The following RBFOX1 variants were observed in gnomAD, a reference collection of about 807,000 sequenced individuals.
RBFOX1 encodes RNA binding protein fox-1 homolog 1.
In RBFOX1, 8 loss-of-function variants were observed where a neutral mutation model predicts 57.7. The observed-to-expected ratio is 0.14, with a 90% CI of 0.08 to 0.25. RBFOX1 has a LOEUF of 0.25. Among genes scored for constraint, RBFOX1 ranks in the 10% least tolerant of loss-of-function variants. The probability of loss-of-function intolerance (pLI) is 1.00; values close to 1 mark genes in which losing one functional copy is unlikely to be tolerated. For missense variants in RBFOX1, 611 were observed against 548.5 expected (o/e 1.11, Z -1.14); for synonymous variants, 326 against 222.4 (o/e 1.47, Z -4.15).
chr16:5,276,104 G>A (rs1249088666), intron 1 of RBFOX1, among the ~76,000 whole-genome samples: 2 of 152,044 alleles, frequency 1.3e-5, no homozygotes, highest in African/African-American at 2.4e-5. Flanking sequence ...ATTGGAAAAC[G>A]TTTCTACACA....
At chr16:5,645,277 A>AC (rs2049015022) in intron 3 of RBFOX1, among the ~76,000 whole-genome samples, 2 of 23,924 alleles carry the variant, frequency 8.4e-5, no homozygotes, top group African/African-American at 8.6e-5. Flanking sequence ...AACAAAAACA[A>AC]AAAAAAAAAC....
chr16:5,510,968 A>T (rs553315024), intron 2 of RBFOX1, among the ~76,000 whole-genome samples: 2 of 152,290 alleles, frequency 1.3e-5, no homozygotes, highest in African/African-American at 4.8e-5. Context: ...GCCTTGTATA[A>T]TCCACATGAC....
At chr16:6,320,232 T>C (rs2081605120) in intron 2 of RBFOX1, among the ~76,000 whole-genome samples, 1 of 152,128 alleles carries the variant, frequency 6.6e-6, no homozygotes, top group African/African-American at 2.4e-5. Context: ...ACACAGGAGA[T>C]TAGACTCGCA....
In RBFOX1 at chr16:7,291,187, A is replaced by T. The variant is rs576845967; in HGVS notation, c.28-226960A>T. 6.6e-5 allele frequency among the ~76,000 whole-genome samples: 10 copies of T among 152,296 alleles called. No homozygotes were observed. In the South Asian group the frequency reaches 2.1e-3, roughly 32 times the overall value. The stretch of plus-strand genomic sequence containing the variant: ...GAAGTACCAGTTACGTTGCAAGGTA[A>T]GATGTGCAGAACCAGCTTAAAGCAT... On this transcript the variant is annotated intron_variant, in intron 4 of 15. Coordinates refer to ENST00000550418, the MANE Select transcript of RBFOX1 (RefSeq NM_018723.4).
At chr16:6,430,651 G>C (rs951163561) in intron 2 of RBFOX1, among the ~76,000 whole-genome samples, 1 of 152,108 alleles carries the variant, frequency 6.6e-6, no homozygotes, top group Non-Finnish European at 1.5e-5. Flanking sequence ...CAAGCCAGAT[G>C]GGGGAGCGGG....
chr16:5,471,748 C>G (rs989755486), intron 2 of RBFOX1, among the ~76,000 whole-genome samples: 15 of 152,178 alleles, frequency 9.9e-5, no homozygotes, highest in African/African-American at 2.9e-4. Flanking sequence ...CAATAATTCT[C>G]TGACCTTTTT....
chr16:6,140,662 G>A lies in RBFOX1; in HGVS notation c.-127+120670G>A, dbSNP rs912442243. Among the ~76,000 whole-genome samples, 5 of 152,292 alleles carry A rather than the reference G, an allele frequency of 3.3e-5. No individual in the cohort carries two copies. In the South Asian group the frequency reaches 1.0e-3, roughly 32 times the overall value. On this transcript the variant is annotated intron_variant, in intron 1 of 15. Transcript: ENST00000550418. ...TCCCAACTCCTTCCCTCCTGTCTGT[G>A]TAACTTGGATCTCTTACTTGTCCCC...
intron 3 of RBFOX1, among the ~76,000 whole-genome samples, chr16:6,835,606 A>G (rs775367632): frequency 3.3e-5 from 5 of 151,884 alleles, no homozygotes; most frequent in Non-Finnish European, 7.4e-5. Flanking sequence ...AAAAAAAAGT[A>G]GCTGGGCATG....
chr16:5,947,366 G>T lies in RBFOX1; in HGVS notation c.351+80031G>T, dbSNP rs540026334. Among the ~76,000 whole-genome samples, 2 of 152,286 alleles carry T rather than the reference G, an allele frequency of 1.3e-5. No homozygotes were observed. Among genetic ancestry groups the T allele is most frequent in the East Asian group, 3.9e-4 (2 of 5,176 alleles). The stretch of plus-strand genomic sequence containing the variant: ...CCATGTGTTCTACATTGCAATGACA[G>T]ATTTTTGTTCTGTTTTGTTTTCAGA... On this transcript the variant is annotated intron_variant, in intron 4 of 19. Coordinates refer to the RBFOX1 transcript ENST00000641259. The surrounding 1 kb of genome is among the most constrained non-coding windows in gnomAD (Gnocchi z 7.2).
At chr16:6,030,710 A>C (rs1485107076) in intron 1 of RBFOX1, among the ~76,000 whole-genome samples, 3 of 152,234 alleles carry the variant, frequency 2.0e-5, no homozygotes, top group Non-Finnish European at 4.4e-5. Context: ...ATCTTGAGCT[A>C]GACCTGAAGT....
chr16:5,848,335 T>C (rs1361432692), intron 3 of RBFOX1, among the ~76,000 whole-genome samples: 1 of 152,168 alleles, frequency 6.6e-6, no homozygotes, highest in African/African-American at 2.4e-5. Context: ...AACCGATGTC[T>C]TGTTTTCTGG....
chr16:6,217,503 C>A (rs1001107494), intron 1 of RBFOX1, among the ~76,000 whole-genome samples: 1 of 152,108 alleles, frequency 6.6e-6, no homozygotes, highest in African/African-American at 2.4e-5. Context: ...AAATAAGGAG[C>A]ATGGTGAGGA....
intron 4 of RBFOX1, among the ~76,000 whole-genome samples, chr16:7,480,257 T>C (rs977621151): frequency 6.6e-6 from 1 of 152,212 alleles, no homozygotes; most frequent in Non-Finnish European, 1.5e-5. Flanking sequence ...CTTAGGGTTT[T>C]GGCTAGAGCA....
At chr16:7,250,727 C>T (rs1010563164) in intron 4 of RBFOX1, among the ~76,000 whole-genome samples, 2 of 152,114 alleles carry the variant, frequency 1.3e-5, no homozygotes, top group Non-Finnish European at 2.9e-5. Flanking sequence ...TTTATGTGAA[C>T]GTATTTACCA....
intron 14 of RBFOX1, among the ~76,000 whole-genome samples, chr16:7,703,455 G>A (rs1264353251): frequency 6.6e-6 from 1 of 152,170 alleles, no homozygotes; most frequent in South Asian, 2.1e-4. Context: ...AGCTATCTCT[G>A]GGGTGAGAAG....
chr16:6,086,535 C>G (rs1452852826), intron 1 of RBFOX1, among the ~76,000 whole-genome samples: 1 of 152,162 alleles, frequency 6.6e-6, no homozygotes, highest in Non-Finnish European at 1.5e-5. Flanking sequence ...TAAACATAAA[C>G]CAGCAGTGAA....
rs550562459 is a variant in RBFOX1, at chr16:6,563,273, G to T, written c.-63-91330G>T. On this transcript the variant is annotated intron_variant, in intron 2 of 15. Transcript: ENST00000550418. ...CGCATGAGATTTAGAAGCATTGTCT[G>T]TTGACATTATTCTTTATGAACATTT... 3.3e-5 allele frequency among the ~76,000 whole-genome samples: 5 copies of T among 152,284 alleles called. No individual in the cohort carries two copies. In the East Asian group the frequency reaches 9.7e-4, roughly 29 times the overall value.
intron 3 of RBFOX1, among the ~76,000 whole-genome samples, chr16:6,922,388 C>A (rs1105007): frequency 3.2e-4 from 49 of 152,104 alleles, no homozygotes; most frequent in Non-Finnish European, 6.5e-4. Context: ...CATCTGCCAC[C>A]CGGCACAGCA....
rs1036315406 is a variant in RBFOX1, at chr16:5,530,975, A to T, written c.258+63721A>T. ...AAAAAAAAAAAAAAAAAAAAAAAAA[A>T]TTAGCCAGGCTTGGTGGCAGGCACC... is the stretch of plus-strand genomic sequence containing the variant. On this transcript the variant is annotated intron_variant, in intron 2 of 2. Coordinates refer to the RBFOX1 transcript ENST00000585867. Among the ~76,000 whole-genome samples the T allele has an allele frequency of 7.7e-4, 102 of 132,194 alleles. 2 individuals carry two copies. The highest frequency in any genetic ancestry group is 2.9e-3 in the African/African-American group (100 of 35,080). The allele number at this position is 132,194 out of a possible 152,430, so 86.7% of individuals were successfully genotyped here.
Sources: allele counts gnomAD v4.1 joint callset (sites outside exome capture counted in the v4.1 genomes callset), GRCh38; gene constraint gnomAD v4.1.1; non-coding constraint Gnocchi (gnomAD v3.1); transcripts MANE v1.5; gene names NCBI Gene and HGNC (gene_info 2026-07-23, HGNC 2026-07-21).